KPNA2: variants seen among roughly 807,000 people sequenced by gnomAD.
KPNA2 encodes the protein importin subunit alpha-1.
In KPNA2, 20 loss-of-function variants were observed where a neutral mutation model predicts 53.7. The ratio of observed to expected loss-of-function variants is 0.37; its 90% CI spans 0.26 to 0.54. The LOEUF (loss-of-function observed/expected upper bound fraction) is 0.54, where lower values mean the gene tolerates loss of function less well. Among genes scored for constraint, KPNA2 ranks in the 20% least tolerant of loss-of-function variants. The pLI, the probability that KPNA2 is intolerant of heterozygous loss-of-function variation, is 0.83. For missense variants in KPNA2, 515 were observed against 640.3 expected (o/e 0.80, Z 2.11); for synonymous variants, 238 against 227.5 (o/e 1.05, Z -0.42).
intron 3 of KPNA2, among the ~76,000 whole-genome samples, chr17:68,040,348 G>A (rs2071244626): frequency 6.7e-6 from 1 of 148,838 alleles, no homozygotes; most frequent in Non-Finnish European, 1.5e-5. Context: ...TCCCTCCTGA[G>A]CCTCCCAAAG....
At chr17:68,036,229 C>T (rs1049855158) in intron 1 of KPNA2, 1 of 152,220 alleles carries the variant, frequency 6.6e-6, no homozygotes, top group Non-Finnish European at 1.5e-5. Context: ...GACACCTAGG[C>T]CCCGGGGGTG....
Position 68,043,870 on chromosome 17 carries a change from C to T in KPNA2, c.963C>T (p.Val321=). ...TPALRAIGNI[V]TGTDEQTQVV... ...CCCTAAGAGCCATAGGGAATATTGTCACTGGTACAGATGAACAGACTCAGG... is the reference window on the plus strand; with the variant it reads ...CCCTAAGAGCCATAGGGAATATTGTTACTGGTACAGATGAACAGACTCAGG... The change falls in exon 8 of 11, where the codon GTC becomes GTT. Residue 321 remains valine, a synonymous_variant. Coordinates refer to ENST00000330459, the MANE Select transcript of KPNA2 (RefSeq NM_002266.4). The T allele has an allele frequency of 6.2e-7, 1 of 1,612,040 alleles. No homozygotes were observed. The highest frequency in any genetic ancestry group is 8.5e-7 in the Non-Finnish European group (1 of 1,178,802).
At chr17:68,044,824 G>A (rs1671030114) in intron 9 of KPNA2, among the ~76,000 whole-genome samples, 1 of 152,208 alleles carries the variant, frequency 6.6e-6, no homozygotes, top group Non-Finnish European at 1.5e-5. Flanking sequence ...GCCAGGCACG[G>A]TGGCTCATGC....
intron 7 of KPNA2, among the ~76,000 whole-genome samples, chr17:68,043,593 C>T (rs2071290274): frequency 6.6e-6 from 1 of 150,954 alleles, no homozygotes; most frequent in Non-Finnish European, 1.5e-5. Context: ...GTAATCTCAA[C>T]TACTCGGGAG....
At chr17:68,043,796 G>A (rs782550342) in intron 7 of KPNA2, 42 bp from the exon 8 acceptor site, 3 of 1,279,710 alleles carry the variant, frequency 2.3e-6, no homozygotes, top group South Asian at 1.2e-5. Context: ...CTAAAGTGCT[G>A]GGGAAAAAAT....
Position 68,040,705 on chromosome 17 carries a change from A to G in KPNA2, c.241A>G (p.Ile81Val), listed in dbSNP as rs751873775. 8 of 1,613,472 alleles carry G rather than the reference A, an allele frequency of 5.0e-6. No homozygotes were observed. The highest frequency in any genetic ancestry group is 6.8e-6 in the Non-Finnish European group (8 of 1,179,504). Residue 81 changes from isoleucine to valine, a missense_variant, in exon 4 of 11, where the codon ATT becomes GTT. Ile to Val is a conservative substitution (Grantham distance 29, BLOSUM62 3). Transcript: ENST00000330459. ...CACTGTAAATTGGTCTGTTGATGACATTGTCAAAGGCATAAATAGCAGCAA... is the reference window on the plus strand; with the variant it reads ...CACTGTAAATTGGTCTGTTGATGACGTTGTCAAAGGCATAAATAGCAGCAA... ...QGTVNWSVDD[I>V]VKGINSSNVE... is the part of the protein sequence containing the mutation.
At chr17:68,046,107 C>G (rs2071327138) in intron 10 of KPNA2, among the ~76,000 whole-genome samples, 186 bp downstream of exon 10, 1 of 152,092 alleles carries the variant, frequency 6.6e-6, no homozygotes, top group South Asian at 2.1e-4. Context: ...TCTTTTTAAA[C>G]TGAGATTTTA....
At chr17:68,036,255 C>G (rs2144204055) in intron 1 of KPNA2, 1 of 152,378 alleles carries the variant, frequency 6.6e-6, no homozygotes, top group Middle Eastern at 3.4e-3. Context: ...GCCACCAAGT[C>G]GTAGGCGAGC....
At chr17:68,037,825 G>C (rs1370797244) in intron 3 of KPNA2, among the ~76,000 whole-genome samples, 2 of 151,030 alleles carry the variant, frequency 1.3e-5, no homozygotes, top group Non-Finnish European at 2.9e-5. Context: ...CCCCGAGATG[G>C]AGTCTTGCTC....
chr17:68,043,425 G>T, intron 7 of KPNA2, 62 bp downstream of exon 7: 1 of 1,530,310 alleles, frequency 6.5e-7, no homozygotes, highest in Non-Finnish European at 8.9e-7. Context: ...GCTGGGCGTG[G>T]TAGTGGTGGC....
At chr17:68,041,445 C>T (rs1173597045) in intron 4 of KPNA2, among the ~76,000 whole-genome samples, 2 of 152,044 alleles carry the variant, frequency 1.3e-5, no homozygotes, top group East Asian at 1.9e-4. Context: ...TGTAATCTCA[C>T]GTGTTTGGGA....
At position 68,044,080 on chromosome 17, in the gene KPNA2, G is replaced by T. The variant is rs1206557473; in HGVS notation, c.1164+9G>T. On this transcript the variant is annotated intron_variant, in intron 8 of 10. Transcript: ENST00000330459. ...TCAGTGTTCTCTCTAAGGTAACGAA[G>T]TCTTAGGATTTAATCAAGTCATTTT... 6.3e-7 allele frequency: 1 copy of T among 1,589,070 alleles called. No individual in the cohort carries two copies.
chr17:68,038,105 T>C (rs1446836968), intron 3 of KPNA2, among the ~76,000 whole-genome samples: 1 of 152,174 alleles, frequency 6.6e-6, no homozygotes, highest in Admixed American at 6.5e-5. Context: ...GCCTCCTAAG[T>C]AGCTGGGACT....
intron 3 of KPNA2, among the ~76,000 whole-genome samples, chr17:68,040,235 C>T (rs1257071275): frequency 1.3e-5 from 2 of 150,944 alleles, no homozygotes; most frequent in African/African-American, 4.9e-5. Context: ...TGTATGGCGA[C>T]AGGCAAACAC....
rs530339026 is a variant in KPNA2 at position 68,038,843 on chromosome 17, C to T, written c.213+1348C>T. Among the ~76,000 whole-genome samples the T allele has an allele frequency of 2.6e-5, 4 of 152,204 alleles. No homozygotes were observed. In the East Asian group the frequency reaches 7.7e-4, roughly 29 times the overall value. ...GCCCAGCCTAGGCAACATAGGAAGA[C>T]CTCGTCTCTATAAAAAGTAAAGTTA... On this transcript the variant is annotated intron_variant, in intron 3 of 10. Coordinates refer to ENST00000330459, the MANE Select transcript of KPNA2 (RefSeq NM_002266.4).
At chr17:68,042,820 C>T (rs1223991228) in intron 5 of KPNA2, 85 bp from the exon 6 acceptor site, 49 of 1,017,990 alleles carry the variant, frequency 4.8e-5, no homozygotes, top group Admixed American at 2.9e-4. Context: ...GCCGAGATCG[C>T]GCCACTGCAC....
In KPNA2 at chr17:68,045,919, G is replaced by A. The variant is rs1391419820; in HGVS notation, c.1495G>A (p.Glu499Lys). ...CTTAATTGAGAAGTATTTCTCTGTA[G>A]AGGTGAGTAATGGATGGTAATATTA... is the stretch of plus-strand genomic sequence containing the variant. ...LSLIEKYFSV[E>K]EEEDQNVVPE... The change falls in exon 10 of 11, where the codon GAG becomes AAG. Residue 499 changes from glutamate (E) to lysine (K), a missense_variant and splice_region_variant. Transcript: ENST00000330459. 8 of 1,566,168 alleles carry A rather than the reference G, an allele frequency of 5.1e-6. No individual in the cohort carries two copies. Among genetic ancestry groups the A allele is most frequent in the Non-Finnish European group, 6.9e-6 (8 of 1,153,718 alleles).
At chr17:68,045,347 TG>T (rs2071316107) in intron 9 of KPNA2, 2 of 155,112 alleles carry the variant, frequency 1.3e-5, no homozygotes, top group Non-Finnish European at 2.9e-5. Flanking sequence ...ACATTCTGTT[TG>T]GGGACGTTTA....
At chr17:68,046,179 G>C (rs1555705401) in intron 10 of KPNA2, among the ~76,000 whole-genome samples, 1 of 152,190 alleles carries the variant, frequency 6.6e-6, no homozygotes, top group Non-Finnish European at 1.5e-5. Context: ...TTGAGGGTAA[G>C]TTAACGGGTG....
Sources: allele counts gnomAD v4.1 joint callset (sites outside exome capture counted in the v4.1 genomes callset), GRCh38; gene constraint gnomAD v4.1.1; transcripts MANE v1.5; gene names NCBI Gene and HGNC (gene_info 2026-07-23, HGNC 2026-07-21).